The following ADGRF5 variants were observed in gnomAD, a reference collection of about 807,000 sequenced individuals.
The protein encoded by ADGRF5 is G-protein coupled receptor 116.
In ADGRF5, 75 loss-of-function variants were observed where a neutral mutation model predicts 132.3. That is an observed-to-expected ratio of 0.57 (90% CI 0.47 to 0.69). The LOEUF (loss-of-function observed/expected upper bound fraction) is 0.69. ADGRF5 is among the 30% of genes least tolerant of loss of function. The pLI, the probability that ADGRF5 is intolerant of heterozygous loss-of-function variation, is 0.00. For synonymous variants in ADGRF5, 629 were observed against 597.6 expected (o/e 1.05, Z -0.77); for missense variants, 1,516 against 1,630.6 (o/e 0.93, Z 1.21).
intron 3 of ADGRF5, among the ~76,000 whole-genome samples, chr6:46,894,818 G>A (rs1046231226): frequency 6.6e-6 from 1 of 152,210 alleles, no homozygotes; most frequent in East Asian, 1.9e-4. Flanking sequence ...CAGTAAAATA[G>A]TAATTCTGAT....
At position 46,858,841 on chromosome 6, in the gene ADGRF5, C is replaced by T. The variant is rs758353612; in HGVS notation, c.3062G>A (p.Gly1021Asp). 2.5e-6 allele frequency: 4 copies of T among 1,613,982 alleles called. No individual in the cohort carries two copies. Among genetic ancestry groups the T allele is most frequent in the Non-Finnish European group, 3.4e-6 (4 of 1,179,876 alleles). The stretch of plus-strand genomic sequence containing the variant: ...GGCTGCCAAGCTCAAGATGGAAAAG[C>T]CCACCCCAACATAAGAAATAATATC... ...LLDIISYVGV[G>D]FSILSLAACL... Residue 1021 changes from glycine to aspartate, a missense_variant, in exon 17 of 21, where the codon GGC becomes GAC. Coordinates refer to ENST00000283296, the MANE Select transcript of ADGRF5 (RefSeq NM_001098518.2).
intron 3 of ADGRF5, among the ~76,000 whole-genome samples, chr6:46,893,060 T>G (rs913814913): frequency 4.6e-5 from 4 of 86,110 alleles, no homozygotes; most frequent in Non-Finnish European, 8.0e-5. Flanking sequence ...CAACAGGGAT[T>G]TTTTTTTTTT....
chr6:46,903,972 T>C (rs574803612), intron 2 of ADGRF5, among the ~76,000 whole-genome samples: 14 of 152,286 alleles, frequency 9.2e-5, no homozygotes, highest in Middle Eastern at 3.4e-3. Flanking sequence ...ACGAAGAAAG[T>C]TGACAGTTTC....
At chr6:46,922,192 G>C (rs1417980889), upstream of ADGRF5, among the ~76,000 whole-genome samples, 1 of 152,202 alleles carries the variant, frequency 6.6e-6, no homozygotes, top group Admixed American at 6.5e-5. Flanking sequence ...AGAAGTACAG[G>C]ATGTCTGGTT....
intron 1 of ADGRF5, among the ~76,000 whole-genome samples, chr6:46,946,274 G>A (rs1778299776): frequency 6.6e-6 from 1 of 152,196 alleles, no homozygotes; most frequent in African/African-American, 2.4e-5. Flanking sequence ...CTGGAAGGCA[G>A]GGACAAGACT....
At chr6:46,913,959 C>A (rs1258690374) in intron 1 of ADGRF5, among the ~76,000 whole-genome samples, 2 of 152,202 alleles carry the variant, frequency 1.3e-5, no homozygotes, top group Non-Finnish European at 2.9e-5. Context: ...ACCCTAATGT[C>A]TCCCAAACCT....
rs1775546254 is a variant in ADGRF5, at chr6:46,907,783, C to T, written c.-24-997G>A. On this transcript the variant is annotated intron_variant, in intron 1 of 20. Coordinates refer to ENST00000283296, the MANE Select transcript of ADGRF5 (RefSeq NM_001098518.2). ...AGGATTACTAGAAACTAACTGTGTCCTGTGTAAGTAATTTGTCTTCTCTGA... is the reference window on the plus strand; with the variant it reads ...AGGATTACTAGAAACTAACTGTGTCTTGTGTAAGTAATTTGTCTTCTCTGA... The T allele has an allele frequency of 2.0e-5, 3 of 152,130 alleles. No homozygotes were observed. The South Asian group carries it at 6.2e-4, about 32-fold the overall frequency. 9.4% of individuals were successfully genotyped at this position (152,130 alleles called of 1,614,324 possible).
At chr6:46,925,143 C>T (rs1285485095), upstream of ADGRF5, among the ~76,000 whole-genome samples, 2 of 152,242 alleles carry the variant, frequency 1.3e-5, no homozygotes, top group Non-Finnish European at 2.9e-5. Flanking sequence ...CACCTTCTCT[C>T]CCCATCATTC....
intron 15 of ADGRF5, among the ~76,000 whole-genome samples, chr6:46,861,159 G>A (rs1172020302): frequency 6.6e-6 from 1 of 152,212 alleles, no homozygotes; most frequent in Admixed American, 6.5e-5. Flanking sequence ...AGGGAAGCTA[G>A]ATGTGATGGC....
At chr6:46,888,053 T>TGCCCAAGGG (rs1581858759) in intron 4 of ADGRF5, 6 of 255,592 alleles carry the variant, frequency 2.3e-5, no homozygotes, top group Admixed American at 1.3e-4. Flanking sequence ...AGTAGTTTAT[T>TGCCCAAGGG]ATGAAGGACC....
intron 2 of ADGRF5, among the ~76,000 whole-genome samples, chr6:46,906,011 C>T (rs1336728184): frequency 6.6e-6 from 1 of 152,192 alleles, no homozygotes; most frequent in Non-Finnish European, 1.5e-5. Context: ...GTAACATGCC[C>T]TGTCTCTGGT....
Position 46,860,852 on chromosome 6 carries a change from A to T in ADGRF5, c.2242T>A (p.Tyr748Asn), listed in dbSNP as rs1769655114. The T allele has an allele frequency of 6.2e-7, 1 of 1,613,506 alleles. No homozygotes were observed. The highest frequency in any genetic ancestry group is 8.5e-7 in the Non-Finnish European group (1 of 1,179,616). Residue 748 changes from tyrosine (Y) to asparagine (N), a missense_variant, in exon 16 of 21, where the codon TAC becomes AAC. Around this residue, in one of 2 missense-constraint regions of ADGRF5, gnomAD observed 945 missense variants for 929.4 expected, o/e 1.02. Coordinates refer to ENST00000283296, the MANE Select transcript of ADGRF5 (RefSeq NM_001098518.2). ...ATGCTAATAGAAAGATCCTTCAGGT[A>T]TGTAGGGAGCATCTCATCCTGAGAG... ...SPSQDEMLPT[Y>N]LKDLSISIDK...
At chr6:46,872,439 G>A (rs1771184256) in intron 10 of ADGRF5, among the ~76,000 whole-genome samples, 1 of 152,190 alleles carries the variant, frequency 6.6e-6, no homozygotes, top group African/African-American at 2.4e-5. Context: ...GAAGCAAGCT[G>A]TTTGGGTATG....
chr6:46,863,304 C>T (rs1175813674), intron 14 of ADGRF5: 1 of 664,698 alleles, frequency 1.5e-6, no homozygotes, highest in Non-Finnish European at 2.8e-6. Context: ...CTTCTGTAAT[C>T]GGAACTTCCT....
At chr6:46,920,096 TC>T (rs1320360389) in intron 1 of ADGRF5, among the ~76,000 whole-genome samples, 4 of 152,240 alleles carry the variant, frequency 2.6e-5, no homozygotes, top group Non-Finnish European at 5.9e-5. Context: ...GGCCACTTTA[TC>T]TATCAATCTA....
intron 12 of ADGRF5, among the ~76,000 whole-genome samples, chr6:46,867,824 T>C (rs1437333216): frequency 6.6e-6 from 1 of 152,216 alleles, no homozygotes; most frequent in Non-Finnish European, 1.5e-5. Context: ...TTAAATTGAA[T>C]ATAAAATGAC....
chr6:46,936,534 C>G (rs542498083), intron 1 of ADGRF5, among the ~76,000 whole-genome samples: 7 of 152,304 alleles, frequency 4.6e-5, no homozygotes, highest in Middle Eastern at 3.4e-3. Context: ...CTTTCGACAT[C>G]TCTCTCTTTC....
chr6:46,857,590 T>C (rs1769202697), intron 17 of ADGRF5, among the ~76,000 whole-genome samples: 1 of 152,214 alleles, frequency 6.6e-6, no homozygotes, highest in South Asian at 2.1e-4. Context: ...GCGAAGAAGA[T>C]GTTTTTTCAT....
intron 15 of ADGRF5, among the ~76,000 whole-genome samples, chr6:46,861,141 A>G (rs1769700974): frequency 6.6e-6 from 1 of 152,206 alleles, no homozygotes; most frequent in Admixed American, 6.5e-5. Context: ...AGCTAATTGG[A>G]ACAAAAAAGG....
Sources: gnomAD v4.1 joint callset for allele counts (sites outside exome capture counted in the v4.1 genomes callset) on GRCh38, gnomAD v4.1.1 for gene constraint, gnomAD v4.1.1 regional missense constraint, MANE v1.5 for transcripts, NCBI Gene and HGNC (gene_info 2026-07-23, HGNC 2026-07-21) for gene names.